The following ADAM23 variants were observed in gnomAD, a reference collection of about 807,000 sequenced individuals.
The protein encoded by ADAM23 is disintegrin and metalloproteinase domain-containing protein 23.
A neutral mutation model predicts 120.1 loss-of-function variants in ADAM23; 33 were observed. The observed-to-expected ratio is 0.27, with a 90% CI of 0.21 to 0.37. The LOEUF is 0.37. Ranked by LOEUF, ADAM23 falls within the 10% of genes least tolerant of loss-of-function variation. ADAM23 has a pLI of 1.00. For synonymous variants in ADAM23, 367 were observed against 375.2 expected, an observed-to-expected ratio of 0.98 and a Z score of 0.25; for missense variants, 862 against 1,058.2, an observed-to-expected ratio of 0.81 and a Z score of 2.57.
chr2:206,485,672 T>C (rs1398880023), intron 3 of ADAM23, among the ~76,000 whole-genome samples: 1 of 152,254 alleles, frequency 6.6e-6, no homozygotes, highest in African/African-American at 2.4e-5. Context: ...GCATCTGCTA[T>C]GTGCCTCTGG....
chr2:206,558,634 A>G lies in ADAM23; in HGVS notation c.1005+1136A>G, dbSNP rs185246831. ...TTTATCTTCTCAGAGGAAAACCACA[A>G]GTGAATGTGGAAAAGAGAATCTTAA... On this transcript the variant is annotated intron_variant, in intron 10 of 25. Coordinates refer to ENST00000264377, the MANE Select transcript of ADAM23 (RefSeq NM_003812.4). 9.6e-3 allele frequency among the ~76,000 whole-genome samples: 1,457 copies of G among 152,316 alleles called. 36 individuals are homozygous for G. Among genetic ancestry groups the G allele is most frequent in the Non-Finnish European group, 9.2e-3 (623 of 68,026 alleles).
At chr2:206,536,878 G>A (rs905504988) in intron 4 of ADAM23, among the ~76,000 whole-genome samples, 8 of 151,610 alleles carry the variant, frequency 5.3e-5, no homozygotes, top group Non-Finnish European at 1.0e-4. Flanking sequence ...GCTAATTTTC[G>A]TATTTTTAGT....
chr2:206,459,521 G>T (rs568867210), intron 2 of ADAM23, among the ~76,000 whole-genome samples: 1 of 152,066 alleles, frequency 6.6e-6, no homozygotes, highest in African/African-American at 2.4e-5. Flanking sequence ...TTTTCACACC[G>T]TAATGTGTTA....
chr2:206,546,453 T>C (rs751216456), intron 6 of ADAM23, among the ~76,000 whole-genome samples: 6 of 152,198 alleles, frequency 3.9e-5, no homozygotes, highest in Non-Finnish European at 8.8e-5. Flanking sequence ...AATAAATGAA[T>C]AGCAAAACTG....
intron 2 of ADAM23, among the ~76,000 whole-genome samples, chr2:206,463,724 C>T (rs530478464): frequency 2.6e-5 from 4 of 152,264 alleles, no homozygotes; most frequent in East Asian, 1.9e-4. Flanking sequence ...TCGTTGTCCC[C>T]GGGATCAGGG....
chr2:206,537,724 G>A (rs1291748979), intron 4 of ADAM23, among the ~76,000 whole-genome samples: 1 of 151,992 alleles, frequency 6.6e-6, no homozygotes, highest in Non-Finnish European at 1.5e-5. Flanking sequence ...CTTAAAGTTT[G>A]TATTTCCACT....
At chr2:206,608,560 T>C (rs1698771667) in intron 24 of ADAM23, among the ~76,000 whole-genome samples, 1 of 151,858 alleles carries the variant, frequency 6.6e-6, no homozygotes, top group Non-Finnish European at 1.5e-5. Context: ...TTTTTATGGC[T>C]CTCATTATTA....
chr2:206,498,780 A>G (rs1039698871), intron 3 of ADAM23, among the ~76,000 whole-genome samples: 92 of 152,326 alleles, frequency 6.0e-4, no homozygotes, highest in Admixed American at 9.2e-4. Flanking sequence ...TCCAGAATCT[A>G]CAATGAACTC....
chr2:206,561,097 TG>T (rs1371660394), intron 11 of ADAM23, 30 bp from the exon 12 acceptor site: 1 of 1,600,420 alleles, frequency 6.2e-7, no homozygotes, highest in South Asian at 1.1e-5. Context: ...TCCACCACGT[TG>T]GTTTTCTGAT....
At chr2:206,511,502 T>C (rs1696622666) in intron 3 of ADAM23, among the ~76,000 whole-genome samples, 1 of 152,138 alleles carries the variant, frequency 6.6e-6, no homozygotes, top group Non-Finnish European at 1.5e-5. Flanking sequence ...TTGGAGTTTG[T>C]TGTTTTGATC....
chr2:206,492,741 G>A (rs1206268346), intron 3 of ADAM23, among the ~76,000 whole-genome samples: 1 of 151,988 alleles, frequency 6.6e-6, no homozygotes, highest in Non-Finnish European at 1.5e-5. Flanking sequence ...ATTGATAAAG[G>A]CAAAGCTCTC....
intron 18 of ADAM23, among the ~76,000 whole-genome samples, chr2:206,577,561 T>A (rs1460764078): frequency 3.2e-4 from 44 of 137,772 alleles, no homozygotes; most frequent in Non-Finnish European, 4.5e-4. Context: ...TGATTTCCAG[T>A]TTCATCCATG....
intron 12 of ADAM23, 97 bp downstream of exon 12, chr2:206,561,309 C>T (rs1697760008): frequency 1.6e-5 from 17 of 1,050,940 alleles, no homozygotes; most frequent in Non-Finnish European, 2.5e-5. Context: ...AGAATGATGA[C>T]ATGGCAAATG....
At chr2:206,604,925 C>T (rs56351126) in intron 24 of ADAM23, among the ~76,000 whole-genome samples, 8,565 of 152,302 alleles carry the variant, frequency 0.056, 373 homozygotes, top group Admixed American at 0.14. Flanking sequence ...TGTATGTCCA[C>T]ACACTTGTGT....
At chr2:206,574,292 A>G (rs1698068194) in intron 18 of ADAM23, among the ~76,000 whole-genome samples, 1 of 152,058 alleles carries the variant, frequency 6.6e-6, no homozygotes, top group Non-Finnish European at 1.5e-5. Flanking sequence ...AGCTTTCAGT[A>G]TAGATTGCAC....
At chr2:206,594,461 T>G (rs1003573136) in intron 22 of ADAM23, among the ~76,000 whole-genome samples, 2 of 152,220 alleles carry the variant, frequency 1.3e-5, no homozygotes, top group East Asian at 3.8e-4. Context: ...TAATGTTGGG[T>G]CTTGAAAACA....
chr2:206,585,241 C>G (rs191542713), intron 18 of ADAM23, among the ~76,000 whole-genome samples: 1 of 152,108 alleles, frequency 6.6e-6, no homozygotes, highest in Non-Finnish European at 1.5e-5. Context: ...GCCATGATCC[C>G]GATCACTGGT....
intron 3 of ADAM23, among the ~76,000 whole-genome samples, chr2:206,501,085 C>T (rs1696378909): frequency 6.6e-6 from 1 of 151,782 alleles, no homozygotes; most frequent in South Asian, 2.1e-4. Flanking sequence ...ATTGTGATAC[C>T]TCAGTGAAAA....
rs144211998 is a variant in ADAM23, at chr2:206,607,914, T to C, written c.2360-1996T>C. 2.8e-4 allele frequency: 117 copies of C among 425,368 alleles called. No homozygotes were observed. The East Asian group carries it at 6.3e-3, about 23-fold the overall frequency. The allele number at this position is 425,368 out of a possible 1,614,324, so 26.3% of individuals were successfully genotyped here. On this transcript the variant is annotated intron_variant, in intron 24 of 25. Transcript: ENST00000264377. Reference sequence around the variant, plus strand: ...TTTTAATTTCTCCTTAGTTTATAAGTCAGGAATCATTTTTCATGAATTATG... The same window carrying C: ...TTTTAATTTCTCCTTAGTTTATAAGCCAGGAATCATTTTTCATGAATTATG...
Sources: gnomAD v4.1 joint callset for allele counts (sites outside exome capture counted in the v4.1 genomes callset) on GRCh38, gnomAD v4.1.1 for gene constraint, MANE v1.5 for transcripts, NCBI Gene and HGNC (gene_info 2026-07-23, HGNC 2026-07-21) for gene names.